Variants in DSCAML1 observed in about 807,000 individuals in gnomAD.
DSCAML1 encodes cell adhesion molecule DSCAML1.
In DSCAML1, 38 loss-of-function variants were observed where a neutral mutation model predicts 200.5. The observed-to-expected ratio is 0.19, with a 90% CI of 0.15 to 0.25. DSCAML1 has a LOEUF of 0.25. Ranked by LOEUF, DSCAML1 falls within the 10% of genes least tolerant of loss-of-function variation. The pLI is 1.00. For missense variants in DSCAML1, 2,223 were observed against 2,858.8 expected, an observed-to-expected ratio of 0.78 and a Z score of 5.07; for synonymous variants, 1,215 against 1,165.0, an observed-to-expected ratio of 1.04 and a Z score of -0.87.
chr11:117,577,433 CTTCT>C (rs1565801388), intron 3 of DSCAML1, among the ~76,000 whole-genome samples: 8 of 42,418 alleles, frequency 1.9e-4, no homozygotes, highest in African/African-American at 6.4e-4. Context: ...TCCTTCCTTC[CTTCT>C]TTCCTTCCTT....
At chr11:117,573,052 T>C (rs1209569902) in intron 3 of DSCAML1, among the ~76,000 whole-genome samples, 2 of 152,304 alleles carry the variant, frequency 1.3e-5, no homozygotes, top group East Asian at 1.9e-4. Flanking sequence ...GAGAGAGCTA[T>C]TGTTTTACCT....
intron 8 of DSCAML1, among the ~76,000 whole-genome samples, chr11:117,512,173 C>T (rs1026141134): frequency 9.2e-5 from 14 of 152,202 alleles, no homozygotes; most frequent in Non-Finnish European, 1.3e-4. Context: ...TCCCTGCCCC[C>T]GCAACTTGCC....
intron 3 of DSCAML1, among the ~76,000 whole-genome samples, chr11:117,732,347 C>T (rs147819293): frequency 3.5e-4 from 53 of 152,298 alleles, no homozygotes; most frequent in Middle Eastern, 3.4e-3. Context: ...AGCAGAGGCA[C>T]CCAGACCTAG....
chr11:117,688,338 G>C (rs2053440428), intron 3 of DSCAML1, among the ~76,000 whole-genome samples: 1 of 152,202 alleles, frequency 6.6e-6, no homozygotes, highest in Non-Finnish European at 1.5e-5. Flanking sequence ...AGTGGGGAGA[G>C]GGAGGGCTGT....
intron 1 of DSCAML1, among the ~76,000 whole-genome samples, chr11:117,806,282 A>G (rs2055706726): frequency 6.6e-6 from 1 of 152,146 alleles, no homozygotes; most frequent in South Asian, 2.1e-4. Context: ...AGCAATGGGA[A>G]GGATATGCAG....
chr11:117,713,121 T>C (rs778987564), intron 3 of DSCAML1, among the ~76,000 whole-genome samples: 2 of 152,126 alleles, frequency 1.3e-5, no homozygotes, highest in Non-Finnish European at 2.9e-5. Context: ...ATGCCGTTTT[T>C]TGGGAGACTC....
intron 3 of DSCAML1, among the ~76,000 whole-genome samples, chr11:117,612,813 C>T (rs1591322484): frequency 6.6e-6 from 1 of 152,306 alleles, no homozygotes; most frequent in African/African-American, 2.4e-5. Flanking sequence ...CTTGGTGGCC[C>T]AGATGGTAGC....
At position 117,521,275 on chromosome 11, in the gene DSCAML1, C is replaced by G. The variant is rs748455687; in HGVS notation, c.1068G>C (p.Leu356=). 1 of 1,614,186 alleles carries G rather than the reference C, an allele frequency of 6.2e-7. No homozygotes were observed. The highest frequency in any genetic ancestry group is 2.2e-5 in the East Asian group (1 of 44,884). ...CGCGGATGGAGATGGCCTCGTCAGG[C>G]AGCACCAGCTCCGTGTTGCGATACC... ...IRWYRNTELV[L]PDEAISIRGL... Residue 356 remains leucine, a synonymous_variant, in exon 6 of 33, where the codon CTG becomes CTC. Coordinates refer to ENST00000651296, the MANE Select transcript of DSCAML1 (RefSeq NM_020693.4).
chr11:117,804,499 CA>C (rs1248813357), intron 1 of DSCAML1, among the ~76,000 whole-genome samples: 1 of 152,234 alleles, frequency 6.6e-6, no homozygotes, highest in East Asian at 1.9e-4. Context: ...GACAAAATGA[CA>C]GCTATTCAAA....
intron 20 of DSCAML1, among the ~76,000 whole-genome samples, chr11:117,447,537 T>C (rs892981493): frequency 6.6e-6 from 1 of 152,254 alleles, no homozygotes; most frequent in Non-Finnish European, 1.5e-5. Flanking sequence ...CTTTCCTCTC[T>C]ATTCTTTTAT....
chr11:117,702,401 A>G (rs2053687200), intron 3 of DSCAML1, among the ~76,000 whole-genome samples: 1 of 151,916 alleles, frequency 6.6e-6, no homozygotes, highest in African/African-American at 2.4e-5. Flanking sequence ...TTCTTTAGCT[A>G]GCACATACCT....
intron 19 of DSCAML1, among the ~76,000 whole-genome samples, chr11:117,458,470 A>G (rs1387781130): frequency 1.3e-5 from 2 of 152,158 alleles, no homozygotes; most frequent in African/African-American, 4.8e-5. Context: ...AAGAATGCCC[A>G]TGGTGTGGGA....
intron 3 of DSCAML1, among the ~76,000 whole-genome samples, chr11:117,647,995 C>T (rs1462684599): frequency 1.3e-5 from 2 of 152,220 alleles, no homozygotes; most frequent in East Asian, 1.9e-4. Context: ...CAGTGTCCCA[C>T]AACAGACACC....
chr11:117,622,208 G>T (rs1333439284), intron 3 of DSCAML1, among the ~76,000 whole-genome samples: 1 of 152,152 alleles, frequency 6.6e-6, no homozygotes, highest in Non-Finnish European at 1.5e-5. Context: ...ATCCCAAAGG[G>T]CTGGTGGCCT....
chr11:117,735,874 G>A (rs2054307789), intron 3 of DSCAML1, among the ~76,000 whole-genome samples: 1 of 152,192 alleles, frequency 6.6e-6, no homozygotes, highest in Non-Finnish European at 1.5e-5. Flanking sequence ...TCAGGGCTGA[G>A]GGAGGAGCCA....
intron 14 of DSCAML1, among the ~76,000 whole-genome samples, chr11:117,472,802 A>G (rs1230356317): frequency 1.3e-5 from 2 of 152,196 alleles, no homozygotes; most frequent in Non-Finnish European, 2.9e-5. Context: ...AACACCCTGC[A>G]TCTCCAGAGG....
At position 117,606,014 on chromosome 11, in the gene DSCAML1, C is replaced by G. The variant is rs1423183426; in HGVS notation, c.512-73492G>C. ...TCATTATTGTCCTTTCCACTGTCTACTCTCAGGCTTCCATTCTGTATAATA... is the reference window on the plus strand; with the variant it reads ...TCATTATTGTCCTTTCCACTGTCTAGTCTCAGGCTTCCATTCTGTATAATA... On this transcript the variant is annotated intron_variant, in intron 3 of 32. Coordinates refer to ENST00000651296, the MANE Select transcript of DSCAML1 (RefSeq NM_020693.4). Among the ~76,000 whole-genome samples, 3 of 152,160 alleles carry G rather than the reference C, an allele frequency of 2.0e-5. No individual in the cohort carries two copies. The South Asian group carries it at 6.2e-4, about 32-fold the overall frequency.
intron 3 of DSCAML1, among the ~76,000 whole-genome samples, chr11:117,672,186 C>T (rs574043472): frequency 6.6e-6 from 1 of 151,186 alleles, no homozygotes; most frequent in Non-Finnish European, 1.5e-5. Flanking sequence ...AACCAGAGCT[C>T]GGGAGGTTGG....
intron 3 of DSCAML1, among the ~76,000 whole-genome samples, chr11:117,729,603 A>G (rs552167482): frequency 6.6e-6 from 1 of 152,374 alleles, no homozygotes; most frequent in East Asian, 1.9e-4. Flanking sequence ...TTTTAAAATG[A>G]AAATTATGTC....
Sources: gnomAD v4.1 joint callset for allele counts (sites outside exome capture counted in the v4.1 genomes callset) on GRCh38, gnomAD v4.1.1 for gene constraint, MANE v1.5 for transcripts, NCBI Gene and HGNC (gene_info 2026-07-23, HGNC 2026-07-21) for gene names.